Variants in ZNF547 observed in about 807,000 individuals in gnomAD.
ZNF547 encodes the protein zinc finger protein 547.
In ZNF547, 4 loss-of-function variants were observed where a neutral mutation model predicts 7.7. The ratio of observed to expected loss-of-function variants is 0.52; its 90% CI spans 0.26 to 1.20. The LOEUF (loss-of-function observed/expected upper bound fraction) is 1.20, where lower values mean the gene tolerates loss of function less well. ZNF547 is among the 50% of genes most tolerant of loss of function. The probability of loss-of-function intolerance (pLI) is 0.14; values close to 1 mark genes in which losing one functional copy is unlikely to be tolerated. For synonymous variants in ZNF547, 166 were observed against 166.2 expected (o/e 1.00, Z 0.01); for missense variants, 449 against 485.8 (o/e 0.92, Z 0.71).
Position 57,379,274 on chromosome 19 carries a change from C to T in ZNF547, c.*1089C>T, listed in dbSNP as rs1474878737. 3 of 152,182 alleles carry T rather than the reference C, an allele frequency of 2.0e-5. No homozygotes were observed. The highest frequency in any genetic ancestry group is 6.5e-5 in the Admixed American group (1 of 15,274). The allele number at this position is 152,182 out of a possible 1,614,324, so 9.4% of individuals were successfully genotyped here. ...AGAAACTTTTCCATAAAACTTGCACCGTTTTACATTCCTAACATTCCACAA... is the reference window on the plus strand; with the variant it reads ...AGAAACTTTTCCATAAAACTTGCACTGTTTTACATTCCTAACATTCCACAA... On this transcript the variant is annotated 3_prime_UTR_variant, in exon 4 of 4. Transcript: ENST00000282282.
At chr19:57,364,820 A>G (rs747596195) in intron 1 of ZNF547, 3 of 1,592,874 alleles carry the variant, frequency 1.9e-6, no homozygotes, top group Admixed American at 1.7e-5. Context: ...TGCAGGAGCC[A>G]TATATTGAAG....
At position 57,371,865 on chromosome 19, in the gene ZNF547, C is replaced by T. The variant is rs139060071; in HGVS notation, c.108C>T (p.Tyr36=). Residue 36 remains tyrosine (Y), a synonymous_variant, in exon 3 of 4, where the codon TAC becomes TAT. Coordinates refer to ENST00000282282, the MANE Select transcript of ZNF547 (RefSeq NM_173631.4). ...TCGATGAGGCTCAGAGATTGCTGTA[C>T]CGTGATGTGATGCTGGAGAATTTGG... ...GHLDEAQRLL[Y]RDVMLENLAL... is the part of the protein sequence containing the mutation. 195 of 1,613,342 alleles carry T rather than the reference C, an allele frequency of 1.2e-4. 1 individual carries two copies. The highest frequency in any genetic ancestry group is 3.3e-4 in the Middle Eastern group (2 of 6,076).
At chr19:57,372,569 T>G (rs1243473355) in intron 3 of ZNF547, among the ~76,000 whole-genome samples, 1 of 152,226 alleles carries the variant, frequency 6.6e-6, no homozygotes, top group Admixed American at 6.5e-5. Flanking sequence ...AGGTGTAATA[T>G]CACAGCTGGG....
chr19:57,378,377 A>G lies in ZNF547; in HGVS notation c.*192A>G. 1 of 721,032 alleles carries G rather than the reference A, an allele frequency of 1.4e-6. No individual in the cohort carries two copies. Among genetic ancestry groups the G allele is most frequent in the Non-Finnish European group, 2.5e-6 (1 of 402,938 alleles). The allele number at this position is 721,032 out of a possible 1,614,324, so 44.7% of individuals were successfully genotyped here. A position where few individuals can be genotyped will look rare whatever the true frequency, so the allele number is the denominator to read the frequency against. The stretch of plus-strand genomic sequence containing the variant: ...GTGTGTTCAGCAAACTCGGGACATT[A>G]TTTTGGTTTGACTCTCATCTCATTA... On this transcript the variant is annotated 3_prime_UTR_variant, in exon 4 of 4. Transcript: ENST00000282282.
At position 57,363,605 on chromosome 19, in the gene ZNF547, G is replaced by C. The variant is rs998798207; in HGVS notation, c.-111G>C. 22 of 153,038 alleles carry C rather than the reference G, an allele frequency of 1.4e-4. No homozygotes were observed. The highest frequency in any genetic ancestry group is 5.1e-4 in the African/African-American group (21 of 41,470). The allele number at this position is 153,038 out of a possible 1,614,324, so 9.5% of individuals were successfully genotyped here. On this transcript the variant is annotated 5_prime_UTR_variant, in exon 1 of 4. Transcript: ENST00000282282. ...AACTGACAGTGGCAGAAGCTCAGCT[G>C]ACAAGGACTGGGGACGGCGGTGTCC...
At chr19:57,372,665 G>A (rs893193489) in intron 3 of ZNF547, among the ~76,000 whole-genome samples, 11 of 152,310 alleles carry the variant, frequency 7.2e-5, no homozygotes, top group South Asian at 4.1e-4. Context: ...TCCTTCCCCC[G>A]TTGTCATTTT....
intron 2 of ZNF547, 68 bp from the exon 3 acceptor site, chr19:57,371,710 AAAAT>A (rs767337201): frequency 7.2e-6 from 11 of 1,536,164 alleles, no homozygotes; most frequent in Middle Eastern, 1.8e-4. Flanking sequence ...ATATAAGTAG[AAAAT>A]AAATAGAGAA....
Position 57,377,358 on chromosome 19 carries a change from C to A in ZNF547, c.382C>A (p.Gln128Lys). Reference protein sequence around the residue: ...PAHLHQHQKEQIREKLSRGDG... With the variant: ...PAHLHQHQKEKIREKLSRGDG... ...ACATCTTCACCAGCACCAAAAGGAG[C>A]AGATTAGAGAGAAACTTTCTAGAGG... Residue 128 changes from glutamine to lysine, a missense_variant, in exon 4 of 4, where the codon CAG becomes AAG. By Grantham distance (53) the Gln-to-Lys change is moderately conservative. Coordinates refer to ENST00000282282, the MANE Select transcript of ZNF547 (RefSeq NM_173631.4). 6.2e-7 allele frequency: 1 copy of A among 1,614,178 alleles called. No individual in the cohort carries two copies. Among genetic ancestry groups the A allele is most frequent in the Non-Finnish European group, 8.5e-7 (1 of 1,180,040 alleles).
At position 57,377,184 on chromosome 19, in the gene ZNF547, G is replaced by C; in HGVS notation, c.208G>C (p.Gly70Arg). 6.2e-7 allele frequency: 1 copy of C among 1,614,168 alleles called. No homozygotes were observed. Among genetic ancestry groups the C allele is most frequent in the Non-Finnish European group, 8.5e-7 (1 of 1,180,036 alleles). The change falls in exon 4 of 4, where the codon GGA becomes CGA. Residue 70 changes from glycine (G) to arginine (R), a missense_variant. Physicochemically the swap from Gly to Arg is moderately radical, Grantham distance 125. Coordinates refer to ENST00000282282, the MANE Select transcript of ZNF547 (RefSeq NM_173631.4). ...ACCTTTAGAGCCAGGTGTTTCTGTA[G>C]GAGTGTCACAGGTCATGGCTCCAAA... ...EAPLEPGVSV[G>R]VSQVMAPKPC...
intron 2 of ZNF547, 29 bp from the exon 3 acceptor site, chr19:57,371,753 T>C (rs2088505658): frequency 6.3e-7 from 1 of 1,595,054 alleles, no homozygotes; most frequent in African/African-American, 1.4e-5. Flanking sequence ...GAAAAGCTGC[T>C]CATGTATTCA....
intron 3 of ZNF547, among the ~76,000 whole-genome samples, chr19:57,374,713 T>G (rs557789610): frequency 1.3e-5 from 2 of 152,334 alleles, no homozygotes; most frequent in South Asian, 2.1e-4. Flanking sequence ...TCCACAGATA[T>G]GTAGGGCAGG....
intron 3 of ZNF547, among the ~76,000 whole-genome samples, chr19:57,372,507 A>G (rs2088512769): frequency 1.3e-5 from 2 of 152,168 alleles, no homozygotes; most frequent in Admixed American, 1.3e-4. Context: ...TACTCCCTGA[A>G]GGGCTGTAGA....
Position 57,369,899 on chromosome 19 carries a change from CTTTTTTTTT to C in ZNF547, c.24+1336_24+1344del, listed in dbSNP as rs61547238. On this transcript the variant is annotated intron_variant, in intron 2 of 3. Coordinates refer to ENST00000282282, the MANE Select transcript of ZNF547 (RefSeq NM_173631.4). Reference sequence around the variant, plus strand: ...AAAGAAGTTTAATTGACTCACAGTTCTTTTTTTTTTTTTTTTTTTTTTTTGAGATGTGGC... The same window carrying C: ...AAAGAAGTTTAATTGACTCACAGTTCTTTTTTTTTTTTTTTGAGATGTGGC... Among the ~76,000 whole-genome samples, 22 of 51,680 alleles carry C rather than the reference CTTTTTTTTT, an allele frequency of 4.3e-4. 1 individual carries two copies. The Admixed American group carries it at 5.5e-3, about 13-fold the overall frequency. 33.9% of individuals were successfully genotyped at this position (51,680 alleles called of 152,430 possible).
In ZNF547 at chr19:57,365,170, C is replaced by G. The variant is rs1600074131; in HGVS notation, c.-13+1467C>G. On this transcript the variant is annotated intron_variant, in intron 1 of 3. Transcript: ENST00000282282. ...TTTATATATAAAATTTTCAATGAAT[C>G]CATTTTATGAACCCAATTCTCCTAT... 3.8e-6 allele frequency: 6 copies of G among 1,593,970 alleles called. 2 individuals carry two copies. The Admixed American group carries it at 1.0e-4, about 28-fold the overall frequency.
chr19:57,375,052 C>T (rs2088527622), intron 3 of ZNF547, among the ~76,000 whole-genome samples: 1 of 152,118 alleles, frequency 6.6e-6, no homozygotes. Context: ...TCTCACACTG[C>T]TATTAAGAAA....
At position 57,378,982 on chromosome 19, in the gene ZNF547, C is replaced by T; in HGVS notation, c.*797C>T. ...TTTTTTTCACTTAGGATAATATCCT[C>T]AAAGTTCATTCATTTTTTAGCATGT... On this transcript the variant is annotated 3_prime_UTR_variant, in exon 4 of 4. Coordinates refer to ENST00000282282, the MANE Select transcript of ZNF547 (RefSeq NM_173631.4). 1 of 175,464 alleles carries T rather than the reference C, an allele frequency of 5.7e-6. No homozygotes were observed. Among genetic ancestry groups the T allele is most frequent in the Non-Finnish European group, 1.2e-5 (1 of 81,866 alleles). The allele number at this position is 175,464 out of a possible 1,614,324, so 10.9% of individuals were successfully genotyped here. A position where few individuals can be genotyped will look rare whatever the true frequency, so the allele number is the denominator to read the frequency against.
In ZNF547 at chr19:57,377,651, T is replaced by C. The variant is rs368419391; in HGVS notation, c.675T>C (p.Ser225=). 1.9e-6 allele frequency: 3 copies of C among 1,611,760 alleles called. No homozygotes were observed. Among genetic ancestry groups the C allele is most frequent in the African/African-American group, 2.7e-5 (2 of 74,096 alleles). ...GTGGGAAAGCCTTTCTTTGTAAGTCTCACCTTGTTCGTCACCAGACAATCC... is the reference window on the plus strand; with the variant it reads ...GTGGGAAAGCCTTTCTTTGTAAGTCCCACCTTGTTCGTCACCAGACAATCC... The part of the protein sequence containing the change: ...NECGKAFLCK[S]HLVRHQTIHS... The change falls in exon 4 of 4, where the codon TCT becomes TCC. Residue 225 remains serine (S), a synonymous_variant. Transcript: ENST00000282282.
chr19:57,375,480 C>A (rs146542024), intron 3 of ZNF547, among the ~76,000 whole-genome samples: 1 of 151,528 alleles, frequency 6.6e-6, no homozygotes, highest in African/African-American at 2.4e-5. Context: ...GGCGAAACCC[C>A]GTCTCTACTA....
At chr19:57,367,891 C>T (rs981399671) in intron 1 of ZNF547, among the ~76,000 whole-genome samples, 1 of 152,226 alleles carries the variant, frequency 6.6e-6, no homozygotes, top group Non-Finnish European at 1.5e-5. Flanking sequence ...GCAAGCTCCC[C>T]TCAGAGCCTT....
Sources: gnomAD v4.1 joint callset for allele counts (sites outside exome capture counted in the v4.1 genomes callset) on GRCh38, gnomAD v4.1.1 for gene constraint, MANE v1.5 for transcripts, NCBI Gene and HGNC (gene_info 2026-07-23, HGNC 2026-07-21) for gene names.